Variants in KIF1B observed in about 807,000 individuals in gnomAD.
KIF1B encodes the protein kinesin-like protein KIF1B.
A neutral mutation model predicts 241.9 loss-of-function variants in KIF1B; 76 were observed. That is an observed-to-expected ratio of 0.31 (90% CI 0.26 to 0.38). KIF1B has a LOEUF of 0.38. Among genes scored for constraint, KIF1B ranks in the 10% least tolerant of loss-of-function variants. The probability of loss-of-function intolerance (pLI) is 1.00; values close to 1 mark genes in which losing one functional copy is unlikely to be tolerated. For synonymous variants in KIF1B, 750 were observed against 796.7 expected, an observed-to-expected ratio of 0.94 and a Z score of 0.99; for missense variants, 1,622 against 2,271.4, an observed-to-expected ratio of 0.71 and a Z score of 5.81.
At position 10,352,539 on chromosome 1, in the gene KIF1B, C is replaced by G. The variant is rs2102334720; in HGVS notation, c.3950-92C>G. 7 of 1,131,224 alleles carry G rather than the reference C, an allele frequency of 6.2e-6. No individual in the cohort carries two copies. In the East Asian group the frequency reaches 1.7e-4, roughly 27 times the overall value. 70.1% of individuals were successfully genotyped at this position (1,131,224 alleles called of 1,614,324 possible). On this transcript the variant is annotated intron_variant, in intron 37 of 48. Transcript: ENST00000676179. ...ATGACCCTTCCAGCTCCTGAACTTACACAGAGATTTAAAAGTCTCTTTTGG... is the reference window on the plus strand; with the variant it reads ...ATGACCCTTCCAGCTCCTGAACTTAGACAGAGATTTAAAAGTCTCTTTTGG...
chr1:10,344,513 C>G (rs1280714426), intron 34 of KIF1B, among the ~76,000 whole-genome samples: 1 of 152,136 alleles, frequency 6.6e-6, no homozygotes, highest in Non-Finnish European at 1.5e-5. Flanking sequence ...GTGGGGGAGG[C>G]CTTTGCATTT....
intron 33 of KIF1B, among the ~76,000 whole-genome samples, chr1:10,342,764 T>C (rs1652448093): frequency 6.6e-6 from 1 of 152,220 alleles, no homozygotes. Context: ...TTGTAGTCTT[T>C]TTCTTTCTCT....
In KIF1B at chr1:10,234,891, C is replaced by CT. The variant is rs947042515; in HGVS notation, c.106+2469dup. On this transcript the variant is annotated intron_variant, in intron 2 of 48. Transcript: ENST00000676179. ...TACTAAAATAATTTCTTTTCTTTTT[C>CT]TTTTTTTTTTTTGAGACGGAGTCTT... Among the ~76,000 whole-genome samples the CT allele has an allele frequency of 7.5e-3, 1,071 of 142,764 alleles. 7 individuals are homozygous for CT. The highest frequency in any genetic ancestry group is 0.019 in the African/African-American group (728 of 39,306). The allele number at this position is 142,764 out of a possible 152,430, so 93.7% of individuals were successfully genotyped here.
chr1:10,262,357 C>T (rs763253928), intron 5 of KIF1B, among the ~76,000 whole-genome samples: 5 of 152,072 alleles, frequency 3.3e-5, no homozygotes, highest in African/African-American at 4.8e-5. Context: ...CCTATGTTGC[C>T]CAGGTTGGTG....
At position 10,361,723 on chromosome 1, in the gene KIF1B, C is replaced by T. The variant is rs1638428708; in HGVS notation, c.4202C>T (p.Thr1401Ile). ...CATTGCATCCAGCCGGCTGTCATCA[C>T]CAAGGATGTGTGCATGGTCTTCTAC... is the stretch of plus-strand genomic sequence containing the variant. ...LDHCIQPAVI[T>I]KDVCMVFYSR... The change falls in exon 40 of 49, where the codon ACC becomes ATC. Residue 1401 changes from threonine to isoleucine, a missense_variant. Thr to Ile is a moderately conservative substitution (Grantham distance 89). Around this residue, in one of 7 missense-constraint regions of KIF1B, gnomAD observed 803 missense variants for 1,112.0 expected, o/e 0.72. Transcript: ENST00000676179. The T allele has an allele frequency of 1.2e-6, 2 of 1,613,960 alleles. No individual in the cohort carries two copies. Among genetic ancestry groups the T allele is most frequent in the African/African-American group, 1.3e-5 (1 of 74,924 alleles).
chr1:10,372,428 C>A (rs1166643402), intron 45 of KIF1B, among the ~76,000 whole-genome samples: 1 of 151,650 alleles, frequency 6.6e-6, no homozygotes, highest in African/African-American at 2.4e-5. Flanking sequence ...TCCAGCTACT[C>A]AGGAGGCTCA....
At chr1:10,311,781 C>T (rs1651076923) in intron 22 of KIF1B, among the ~76,000 whole-genome samples, 1 of 151,212 alleles carries the variant, frequency 6.6e-6, no homozygotes, top group Non-Finnish European at 1.5e-5. Context: ...GGACACAGAC[C>T]TTGGCTATTT....
intron 2 of KIF1B, among the ~76,000 whole-genome samples, chr1:10,244,419 A>G (rs1212703251): frequency 1.3e-5 from 2 of 150,294 alleles, no homozygotes; most frequent in African/African-American, 2.5e-5. Context: ...GGTTCAAGCA[A>G]TTCTCCTGCC....
Position 10,379,897 on chromosome 1 carries a change from G to C in KIF1B, c.*3310G>C, listed in dbSNP as rs1638979260. On this transcript the variant is annotated 3_prime_UTR_variant, in exon 49 of 49. Coordinates refer to ENST00000676179, the MANE Select transcript of KIF1B (RefSeq NM_001365951.3). ...TCAGGAGCACAGGCAAGGGGTGCTT[G>C]TGGCAGTGGCCGGGCACCTGAGCCC... 4.3e-6 allele frequency: 1 copy of C among 229,888 alleles called. No individual in the cohort carries two copies. The highest frequency in any genetic ancestry group is 8.6e-6 in the Non-Finnish European group (1 of 115,944). The allele number at this position is 229,888 out of a possible 1,614,324, so 14.2% of individuals were successfully genotyped here. A position where few individuals can be genotyped will look rare whatever the true frequency, so the allele number is the denominator to read the frequency against.
chr1:10,295,801 T>C (rs905180735), intron 19 of KIF1B, 35 bp downstream of exon 19: 1 of 1,514,124 alleles, frequency 6.6e-7, no homozygotes, highest in Admixed American at 1.7e-5. Flanking sequence ...AGCAACAACA[T>C]TTTCATTTTA....
At chr1:10,313,612 G>A (rs1020736598) in intron 22 of KIF1B, among the ~76,000 whole-genome samples, 5 of 146,868 alleles carry the variant, frequency 3.4e-5, no homozygotes, top group African/African-American at 5.2e-5. Context: ...GTGCAGTGGC[G>A]CAATCTCGGC....
At chr1:10,332,717 G>C (rs537602517) in intron 27 of KIF1B, among the ~76,000 whole-genome samples, 2 of 150,790 alleles carry the variant, frequency 1.3e-5, no homozygotes, top group East Asian at 4.0e-4. Flanking sequence ...GAGTTTCACC[G>C]TGTTAGCCAG....
chr1:10,213,776 T>A (rs2102081436), intron 1 of KIF1B, among the ~76,000 whole-genome samples: 1 of 152,318 alleles, frequency 6.6e-6, no homozygotes, highest in East Asian at 1.9e-4. Context: ...TCTTGAACTT[T>A]TTTTGTGCAG....
chr1:10,263,915 C>G (rs12737239), intron 5 of KIF1B, among the ~76,000 whole-genome samples: 51,435 of 151,956 alleles, frequency 0.34, 8,865 homozygotes, highest in Admixed American at 0.38. Context: ...TGCCTTTTTT[C>G]CTGTTTCAAG....
intron 1 of KIF1B, among the ~76,000 whole-genome samples, chr1:10,225,341 C>T (rs145724097): frequency 2.8e-3 from 428 of 152,046 alleles, no homozygotes; most frequent in Non-Finnish European, 3.6e-3. Flanking sequence ...AAAAATTAGC[C>T]GGGCATGGTG....
chr1:10,307,655 A>G (rs1650895568), intron 22 of KIF1B: 1 of 1,016,956 alleles, frequency 9.8e-7, no homozygotes, highest in Non-Finnish European at 1.2e-6. Context: ...AAATACCACA[A>G]GGCCAAAGAG....
At chr1:10,225,108 GCTGTGTGGCCTGGTTT>G (rs1313450868) in intron 1 of KIF1B, among the ~76,000 whole-genome samples, 2 of 152,186 alleles carry the variant, frequency 1.3e-5, no homozygotes, top group Non-Finnish European at 2.9e-5. Flanking sequence ...CTCACCTCCT[GCTGTGTGGCCTGGTTT>G]TTAACAGGCC....
rs78868210 is a variant in KIF1B at position 10,380,329 on chromosome 1, T to C, written c.*3742T>C. ...GTGCTGTGTCCCGCTCGGGTTCCAA[T>C]GGACAGTATCAGGGCTTGTTTGACT... On this transcript the variant is annotated 3_prime_UTR_variant, in exon 49 of 49. Coordinates refer to ENST00000676179, the MANE Select transcript of KIF1B (RefSeq NM_001365951.3). 4.3e-3 allele frequency: 889 copies of C among 208,356 alleles called. 7 individuals are homozygous for C. Among genetic ancestry groups the C allele is most frequent in the African/African-American group, 0.019 (822 of 44,040 alleles). The allele number at this position is 208,356 out of a possible 1,614,324, so 12.9% of individuals were successfully genotyped here.
At position 10,260,722 on chromosome 1, in the gene KIF1B, C is replaced by T. The variant is rs187759172; in HGVS notation, c.364-1183C>T. The stretch of plus-strand genomic sequence containing the variant: ...TCTACTAAAAATACAAAAAAATGAG[C>T]CAGGCATGGTGGCGCATGCCTGTAA... On this transcript the variant is annotated intron_variant, in intron 4 of 48. Coordinates refer to ENST00000676179, the MANE Select transcript of KIF1B (RefSeq NM_001365951.3). Among the ~76,000 whole-genome samples, 33 of 151,810 alleles carry T rather than the reference C, an allele frequency of 2.2e-4. 1 individual carries two copies. In the East Asian group the frequency reaches 6.3e-3, roughly 29 times the overall value.
Sources: gnomAD v4.1 joint callset for allele counts (sites outside exome capture counted in the v4.1 genomes callset) on GRCh38, gnomAD v4.1.1 for gene constraint, gnomAD v4.1.1 regional missense constraint, MANE v1.5 for transcripts, NCBI Gene and HGNC (gene_info 2026-07-23, HGNC 2026-07-21) for gene names.